UNC93A: variants seen among roughly 807,000 people sequenced by gnomAD.
The protein encoded by UNC93A is N-acetylglucosamine transporter UNC93A.
In UNC93A, 43 loss-of-function variants were observed where a neutral mutation model predicts 47.5. The ratio of observed to expected loss-of-function variants is 0.91; its 90% confidence interval spans 0.71 to 1.17. The LOEUF is 1.17. UNC93A is among the 50% of genes most tolerant of loss of function. The probability of loss-of-function intolerance (pLI) is 0.00; values close to 1 mark genes in which losing one functional copy is unlikely to be tolerated. For missense variants in UNC93A, 605 were observed against 577.6 expected (o/e 1.05, Z -0.49); for synonymous variants, 280 against 258.0 (o/e 1.09, Z -0.82).
Position 167,296,205 on chromosome 6 carries a change from C to G in UNC93A, c.443C>G (p.Ser148Cys), listed in dbSNP as rs375521373. Residue 148 changes from serine (S) to cysteine (C), a missense_variant, in exon 3 of 8, where the codon TCC (serine) becomes TGC (cysteine). Coordinates refer to ENST00000230256, the MANE Select transcript of UNC93A (RefSeq NM_018974.4). The part of the protein sequence containing the change: ...FGIFFLIFQS[S>C]GVWGNLISSL... ...ATCTTCTTCCTCATATTCCAGTCAT[C>G]CGGTGTGTGGGGCAACTTGATCTCA... The G allele has an allele frequency of 1.9e-6, 3 of 1,614,078 alleles. No individual in the cohort carries two copies. In the African/African-American group the frequency reaches 4.0e-5, roughly 22 times the overall value.
intron 1 of UNC93A, among the ~76,000 whole-genome samples, chr6:167,284,321 G>C (rs1783684031): frequency 6.6e-6 from 1 of 151,846 alleles, no homozygotes; most frequent in Non-Finnish European, 1.5e-5. Flanking sequence ...AGCTTCTAGA[G>C]ACTGGCCCAG....
rs186951859 is a variant in UNC93A, at chr6:167,302,346, C to T, written c.626-1573C>T. Among the ~76,000 whole-genome samples the T allele has an allele frequency of 6.1e-4, 93 of 151,942 alleles. 2 individuals are homozygous for T. The highest frequency in any genetic ancestry group is 2.1e-3 in the African/African-American group (85 of 41,398). ...AGGCACAGTAAGATAGGATAATTCC[C>T]GTCGTCTTTAGAGGAGCAGGGGTCT... On this transcript the variant is annotated intron_variant, in intron 4 of 7. Coordinates refer to ENST00000230256, the MANE Select transcript of UNC93A (RefSeq NM_018974.4).
chr6:167,303,825 C>T (rs1334120081), intron 4 of UNC93A, 94 bp from the exon 5 acceptor site: 16 of 1,247,242 alleles, frequency 1.3e-5, no homozygotes, highest in African/African-American at 3.0e-5. Context: ...AGCCCTCCCT[C>T]GCGAGAGGAG....
chr6:167,276,997 C>T (rs1783554911), intron 1 of UNC93A, among the ~76,000 whole-genome samples: 1 of 152,208 alleles, frequency 6.6e-6, no homozygotes, highest in Non-Finnish European at 1.5e-5. Context: ...CAGACAACGC[C>T]CACCCTCCTG....
At chr6:167,274,105 T>C (rs1477466007) in intron 1 of UNC93A, among the ~76,000 whole-genome samples, 1 of 152,160 alleles carries the variant, frequency 6.6e-6, no homozygotes, top group African/African-American at 2.4e-5. Flanking sequence ...AGGGTTAAAA[T>C]ATTTGGATTT....
chr6:167,295,685 TCGCC>T (rs1778059115), intron 2 of UNC93A, among the ~76,000 whole-genome samples: 1 of 126,520 alleles, frequency 7.9e-6, no homozygotes, highest in Non-Finnish European at 1.6e-5. Context: ...CTCGTGCTCC[TCGCC>T]TGCCTCGTGC....
At position 167,294,699 on chromosome 6, in the gene UNC93A, G is replaced by A. The variant is rs766861161; in HGVS notation, c.269+1G>A. ...CCGTGGGCAACTTCTTCGCCAGCTGGTACGCAGCCACCACCCCCTGCCCAC... is the reference window on the plus strand; with the variant it reads ...CCGTGGGCAACTTCTTCGCCAGCTGATACGCAGCCACCACCCCCTGCCCAC... On this transcript the variant is annotated splice_donor_variant, in intron 2 of 7. Transcript: ENST00000230256. LOFTEE classifies it high-confidence loss of function. The A allele has an allele frequency of 7.6e-6, 12 of 1,586,174 alleles. No individual in the cohort carries two copies. Among genetic ancestry groups the A allele is most frequent in the Non-Finnish European group, 9.5e-6 (11 of 1,162,082 alleles).
upstream of UNC93A, among the ~76,000 whole-genome samples, chr6:167,288,874 C>T (rs1365794896): frequency 2.0e-5 from 3 of 152,240 alleles, no homozygotes; most frequent in South Asian, 2.1e-4. Context: ...CCGGAACACG[C>T]GTGCTCTGAG....
rs373393061 is a variant in UNC93A at position 167,314,833 on chromosome 6, C to G, written c.1109-354C>G. Among the ~76,000 whole-genome samples, 49 of 152,236 alleles carry G rather than the reference C, an allele frequency of 3.2e-4. 2 individuals are homozygous for G. The East Asian group carries it at 4.1e-3, about 13-fold the overall frequency. On this transcript the variant is annotated intron_variant, in intron 7 of 7. Coordinates refer to ENST00000230256, the MANE Select transcript of UNC93A (RefSeq NM_018974.4). ...TGGACAAAACCAATGCTCATCTTAA[C>G]CAAACCAATGTTCATCTTACGTATG...
chr6:167,285,977 T>C (rs144483801), intron 1 of UNC93A, among the ~76,000 whole-genome samples: 19,239 of 146,480 alleles, frequency 0.13, 1,736 homozygotes, highest in South Asian at 0.27. Context: ...TATATATATA[T>C]ATACACACAC....
intron 1 of UNC93A, among the ~76,000 whole-genome samples, chr6:167,276,100 C>A (rs552356398): frequency 6.9e-6 from 1 of 144,882 alleles, no homozygotes; most frequent in Non-Finnish European, 1.5e-5. Flanking sequence ...TGAGTGAGAA[C>A]GTGTGGTGTT....
intron 2 of UNC93A, among the ~76,000 whole-genome samples, chr6:167,295,379 GGCCTCCCTCGTGCTCCTC>G (rs1222873545): frequency 1.6e-4 from 24 of 150,148 alleles, no homozygotes; most frequent in Non-Finnish European, 2.7e-4. Flanking sequence ...GCTGTCCCTC[GGCCTCCCTCGTGCTCCTC>G]GCCTCCCTCG....
intron 1 of UNC93A, among the ~76,000 whole-genome samples, chr6:167,285,086 C>A (rs953630300): frequency 6.6e-6 from 1 of 152,130 alleles, no homozygotes; most frequent in Non-Finnish European, 1.5e-5. Context: ...GGCCTTCGGG[C>A]CCTGCCAGGT....
chr6:167,286,160 G>A (rs575513114), intron 1 of UNC93A, among the ~76,000 whole-genome samples: 6 of 151,110 alleles, frequency 4.0e-5, no homozygotes, highest in Non-Finnish European at 8.8e-5. Context: ...CAAAACTTAA[G>A]CAATAACCTT....
At chr6:167,275,007 T>C (rs1783516010) in intron 1 of UNC93A, among the ~76,000 whole-genome samples, 1 of 152,246 alleles carries the variant, frequency 6.6e-6, no homozygotes, top group Admixed American at 6.5e-5. Flanking sequence ...TCCCAGAGTG[T>C]GGTTCTAAGA....
intron 1 of UNC93A, among the ~76,000 whole-genome samples, chr6:167,277,873 C>T (rs1053888598): frequency 7.0e-6 from 1 of 142,486 alleles, no homozygotes; most frequent in Non-Finnish European, 1.5e-5. Flanking sequence ...CTCCTTCTGT[C>T]TGTCTCTTGG....
At chr6:167,313,510 G>A (rs1778611826) in intron 7 of UNC93A, among the ~76,000 whole-genome samples, 1 of 152,046 alleles carries the variant, frequency 6.6e-6, no homozygotes, top group Admixed American at 6.6e-5. Context: ...TGGTGGGGGG[G>A]CTGGGGGAGT....
intron 2 of UNC93A, 145 bp downstream of exon 2, chr6:167,294,843 C>T (rs1339564202): frequency 1.1e-6 from 1 of 905,378 alleles, no homozygotes. Context: ...GCACCCCCGC[C>T]TCGCTTTGGT....
At position 167,299,136 on chromosome 6, in the gene UNC93A, A is replaced by G. The variant is rs868560270; in HGVS notation, c.625+1066A>G. On this transcript the variant is annotated intron_variant, in intron 4 of 7. Transcript: ENST00000230256. ...CCATCTCAAAAAAAAAAAAATACAC[A>G]CACACACACACACACATATTTATAT... Among the ~76,000 whole-genome samples, 4 of 112,902 alleles carry G rather than the reference A, an allele frequency of 3.5e-5. 1 individual carries two copies. The highest frequency in any genetic ancestry group is 8.7e-5 in the Admixed American group (1 of 11,432). 74.1% of individuals were successfully genotyped at this position (112,902 alleles called of 152,430 possible). A position where few individuals can be genotyped will look rare whatever the true frequency, so the allele number is the denominator to read the frequency against.
Sources: gnomAD v4.1 joint callset for allele counts (sites outside exome capture counted in the v4.1 genomes callset) on GRCh38, gnomAD v4.1.1 for gene constraint, MANE v1.5 for transcripts, NCBI Gene and HGNC (gene_info 2026-07-23, HGNC 2026-07-21) for gene names.